The following HDC variants were observed in gnomAD, a reference collection of about 807,000 sequenced individuals.
The protein encoded by HDC is histidine decarboxylase.
Under a neutral mutation model 64.4 loss-of-function variants are expected in HDC, and 27 were observed. That is an observed-to-expected ratio of 0.42 (90% CI 0.31 to 0.58). HDC has a LOEUF of 0.58. Among genes scored for constraint, HDC ranks in the 20% least tolerant of loss-of-function variants. HDC has a pLI of 0.16. For synonymous variants in HDC, 305 were observed against 314.2 expected (o/e 0.97, Z 0.31); for missense variants, 711 against 833.9 (o/e 0.85, Z 1.81).
intron 2 of HDC, among the ~76,000 whole-genome samples, chr15:50,258,943 G>A (rs545621645): frequency 2.6e-5 from 4 of 152,094 alleles, no homozygotes; most frequent in South Asian, 4.2e-4. Context: ...GGTGGATCAC[G>A]AGATCAAGAG....
At chr15:50,259,237 G>C (rs148668718) in intron 2 of HDC, among the ~76,000 whole-genome samples, 1 of 152,304 alleles carries the variant, frequency 6.6e-6, no homozygotes, top group African/African-American at 2.4e-5. Context: ...CTTGCAAAAG[G>C]CACCTTTTGT....
intron 4 of HDC, among the ~76,000 whole-genome samples, chr15:50,256,132 A>G (rs1224247116): frequency 6.6e-6 from 1 of 152,224 alleles, no homozygotes; most frequent in Non-Finnish European, 1.5e-5. Flanking sequence ...GAATGGTACT[A>G]TTCACCTGCA....
At chr15:50,252,867 T>A in intron 7 of HDC, 93 bp from the exon 8 acceptor site, 2 of 1,302,768 alleles carry the variant, frequency 1.5e-6, no homozygotes, top group South Asian at 2.6e-5. Flanking sequence ...GCTGCAAGGA[T>A]GATGTGCTTT....
chr15:50,242,302 A>T lies in HDC; in HGVS notation c.1947T>A (p.Cys649Ter), dbSNP rs1350892062. The T allele has an allele frequency of 1.2e-6, 2 of 1,614,196 alleles. No individual in the cohort carries two copies. The highest frequency in any genetic ancestry group is 1.7e-5 in the Admixed American group (1 of 60,020). ...GAGGGCAACAGGGCAGCTGGAGTCC[A>T]CATTGAGAGCTGCATTCAGGAAAGC... ...VPSFPECSSQ[C>*]GLQLPCCPLQ... Residue 649 changes from cysteine to a stop codon, truncating the protein, a stop_gained, in exon 12 of 12, where the codon TGT becomes TGA. Transcript: ENST00000267845. LOFTEE classifies it high-confidence loss of function.
In HDC at chr15:50,258,403, C is replaced by T. The variant is rs1230255814; in HGVS notation, c.318+1G>A. ...GAGTAGTTACAGCCGTTGCTACTCA[C>T]CCAGGTGAATCCCAAGCAGTTGATG... On this transcript the variant is annotated splice_donor_variant, in intron 3 of 11. Coordinates refer to ENST00000267845, the MANE Select transcript of HDC (RefSeq NM_002112.4). LOFTEE classifies it high-confidence loss of function. The T allele has an allele frequency of 1.3e-6, 2 of 1,585,704 alleles. No individual in the cohort carries two copies. The highest frequency in any genetic ancestry group is 1.7e-6 in the Non-Finnish European group (2 of 1,154,270).
intron 9 of HDC, 96 bp downstream of exon 9, chr15:50,252,334 C>G: frequency 1.1e-6 from 1 of 907,600 alleles, no homozygotes; most frequent in Non-Finnish European, 1.8e-6. Context: ...GTGCTGCCTT[C>G]TGAAGGGAGC....
intron 7 of HDC, chr15:50,253,010 T>G (rs1156864757): frequency 3.5e-6 from 2 of 574,230 alleles, no homozygotes; most frequent in African/African-American, 3.8e-5. Context: ...TTTCTTCCAC[T>G]GGGTAAAGGG....
At chr15:50,259,210 C>T (rs988204458) in intron 2 of HDC, among the ~76,000 whole-genome samples, 1 of 151,914 alleles carries the variant, frequency 6.6e-6, no homozygotes, top group African/African-American at 2.4e-5. Context: ...AAGCAGACTA[C>T]TTGTTTCATC....
chr15:50,254,679 G>A lies in HDC; in HGVS notation c.442-15C>T, dbSNP rs756421222. 1.2e-6 allele frequency: 2 copies of A among 1,612,736 alleles called. No individual in the cohort carries two copies. Among genetic ancestry groups the A allele is most frequent in the Non-Finnish European group, 1.7e-6 (2 of 1,179,350 alleles). ...CTGACCGTGCTCTGCAGGGGAAAAG[G>A]ATTATCATGGCAGCCTTTCTGTATT... On this transcript the variant is annotated splice_polypyrimidine_tract_variant and intron_variant, in intron 4 of 11. Coordinates refer to ENST00000267845, the MANE Select transcript of HDC (RefSeq NM_002112.4).
intron 4 of HDC, among the ~76,000 whole-genome samples, chr15:50,257,124 A>C (rs1444420345): frequency 1.3e-5 from 2 of 152,216 alleles, no homozygotes; most frequent in Non-Finnish European, 2.9e-5. Flanking sequence ...TGAGATACAA[A>C]ATGGGACACC....
At chr15:50,261,966 C>T (rs1215415535) in intron 2 of HDC, among the ~76,000 whole-genome samples, 2 of 152,124 alleles carry the variant, frequency 1.3e-5, no homozygotes, top group Non-Finnish European at 2.9e-5. Context: ...GCCTTGGCCT[C>T]CCAAAGTGCT....
intron 2 of HDC, among the ~76,000 whole-genome samples, chr15:50,260,026 T>A (rs1385335457): frequency 4.5e-5 from 2 of 44,168 alleles, no homozygotes; most frequent in African/African-American, 9.7e-5. Context: ...ATTCATTCTT[T>A]TTTTTTTTTT....
intron 2 of HDC, among the ~76,000 whole-genome samples, chr15:50,260,784 G>A (rs1420235577): frequency 6.6e-6 from 1 of 152,194 alleles, no homozygotes; most frequent in Non-Finnish European, 1.5e-5. Context: ...ACCGCAATGA[G>A]GCAGAAGCCC....
At chr15:50,249,775 A>C (rs2045530180) in intron 9 of HDC, among the ~76,000 whole-genome samples, 1 of 152,226 alleles carries the variant, frequency 6.6e-6, no homozygotes, top group South Asian at 2.1e-4. Context: ...ATATAGAGAG[A>C]GCTACTTTAT....
intron 9 of HDC, among the ~76,000 whole-genome samples, chr15:50,251,001 GAAGAT>G (rs915205924): frequency 6.6e-6 from 1 of 152,204 alleles, no homozygotes; most frequent in Non-Finnish European, 1.5e-5. Context: ...AGTTGTCCAA[GAAGAT>G]AAGATAAAAC....
At chr15:50,262,835 C>T (rs538886988) in intron 2 of HDC, among the ~76,000 whole-genome samples, 3 of 152,084 alleles carry the variant, frequency 2.0e-5, no homozygotes, top group African/African-American at 4.8e-5. Flanking sequence ...CTGGCTCCGT[C>T]GTCAGGGCCA....
chr15:50,263,438 A>G, intron 1 of HDC, 31 bp from the exon 2 acceptor site: 13 of 1,608,766 alleles, frequency 8.1e-6, no homozygotes, highest in Non-Finnish European at 8.5e-6. Context: ...TCAGGCTGAA[A>G]TCCCCTGACT....
At chr15:50,261,909 A>G (rs1268754619) in intron 2 of HDC, among the ~76,000 whole-genome samples, 3 of 152,016 alleles carry the variant, frequency 2.0e-5, no homozygotes, top group Non-Finnish European at 4.4e-5. Flanking sequence ...GGGTTTCTCC[A>G]TGTTGGTCAG....
At chr15:50,257,698 C>G (rs2045651138) in intron 3 of HDC, 151 bp from the exon 4 acceptor site, 1 of 843,632 alleles carries the variant, frequency 1.2e-6, no homozygotes, top group Admixed American at 2.0e-5. Flanking sequence ...TCCTGGTCCA[C>G]TCTCTGTCAA....
Sources: allele counts gnomAD v4.1 joint callset (sites outside exome capture counted in the v4.1 genomes callset), GRCh38; gene constraint gnomAD v4.1.1; transcripts MANE v1.5; gene names NCBI Gene and HGNC (gene_info 2026-07-23, HGNC 2026-07-21).